Variants in TYW1 observed in about 807,000 individuals in gnomAD.
TYW1 encodes the protein S-adenosyl-L-methionine-dependent tRNA 4-demethylwyosine synthase TYW1.
A neutral mutation model predicts 96.2 loss-of-function variants in TYW1; 46 were observed. That is an observed-to-expected ratio of 0.48 (90% CI 0.38 to 0.61). The LOEUF is 0.61. TYW1 is among the 20% of genes least tolerant of loss of function. The pLI is 0.00. For missense variants in TYW1, 684 were observed against 909.6 expected (o/e 0.75, Z 3.19); for synonymous variants, 274 against 323.0 (o/e 0.85, Z 1.63).
chr7:67,087,008 C>T (rs919303155), intron 11 of TYW1, among the ~76,000 whole-genome samples: 4 of 152,080 alleles, frequency 2.6e-5, no homozygotes, highest in African/African-American at 7.2e-5. Context: ...AACTGTGTCT[C>T]GGGCAGTTTG....
chr7:67,219,429 T>A (rs899991089), intron 15 of TYW1, among the ~76,000 whole-genome samples: 5 of 152,158 alleles, frequency 3.3e-5, no homozygotes, highest in Admixed American at 6.5e-5. Context: ...TCCCTCCTCT[T>A]CAGTGTTTTG....
intron 7 of TYW1, among the ~76,000 whole-genome samples, chr7:67,047,393 A>G (rs1281896484): frequency 6.6e-6 from 1 of 152,208 alleles, no homozygotes; most frequent in African/African-American, 2.4e-5. Context: ...GATTCCTTCT[A>G]TTTTAAACTA....
chr7:67,221,243 TTTTTC>T (rs1322063693), intron 15 of TYW1, among the ~76,000 whole-genome samples: 1 of 152,254 alleles, frequency 6.6e-6, no homozygotes, highest in Non-Finnish European at 1.5e-5. Flanking sequence ...ATATGTAATA[TTTTTC>T]TTTGTTTCAT....
chr7:67,170,681 C>G lies in TYW1; in HGVS notation c.1699-12445C>G, dbSNP rs533708263. On this transcript the variant is annotated intron_variant, in intron 13 of 15. Coordinates refer to ENST00000359626, the MANE Select transcript of TYW1 (RefSeq NM_018264.4). Reference sequence around the variant, plus strand: ...TACTCCCCATACCTCGTAAACCAGTCCCTTATAACCACCAATCTGTTTTCT... The same window carrying G: ...TACTCCCCATACCTCGTAAACCAGTGCCTTATAACCACCAATCTGTTTTCT... Among the ~76,000 whole-genome samples, 10 of 152,252 alleles carry G rather than the reference C, an allele frequency of 6.6e-5. No homozygotes were observed. The South Asian group carries it at 1.9e-3, about 28-fold the overall frequency.
rs1470341549 is a variant in TYW1 at position 67,169,376 on chromosome 7, C to T, written c.1699-13750C>T. ...GTTAGTATAATGTTTTCCAAGTTAG[C>T]GCATGTTATATAGCATGAATCAGAA... On this transcript the variant is annotated intron_variant, in intron 13 of 15. Transcript: ENST00000359626. Among the ~76,000 whole-genome samples the T allele has an allele frequency of 5.3e-5, 8 of 151,766 alleles. No homozygotes were observed. In the East Asian group the frequency reaches 7.7e-4, roughly 15 times the overall value.
At chr7:67,124,141 C>CTTT (rs1797845437) in intron 13 of TYW1, among the ~76,000 whole-genome samples, 1 of 152,176 alleles carries the variant, frequency 6.6e-6, no homozygotes, top group Non-Finnish European at 1.5e-5. Flanking sequence ...CAAAGGTAAA[C>CTTT]AGTTACTATA....
intron 4 of TYW1, among the ~76,000 whole-genome samples, chr7:67,014,161 G>GGCAGGA (rs1793925455): frequency 6.6e-6 from 1 of 152,192 alleles, no homozygotes; most frequent in Non-Finnish European, 1.5e-5. Context: ...GAGGTATACT[G>GGCAGGA]GCAGGAGCAA....
chr7:67,217,609 T>C (rs1418396121), intron 15 of TYW1, among the ~76,000 whole-genome samples: 2 of 152,160 alleles, frequency 1.3e-5, no homozygotes, highest in African/African-American at 4.8e-5. Context: ...GTTCTACATG[T>C]CTGTCTTTAT....
At chr7:67,144,662 G>C (rs903949257) in intron 13 of TYW1, among the ~76,000 whole-genome samples, 4 of 152,046 alleles carry the variant, frequency 2.6e-5, no homozygotes, top group African/African-American at 9.7e-5. Flanking sequence ...ATAGAGACAG[G>C]GTTTCGCCGT....
chr7:67,129,794 G>A (rs1239677992), intron 13 of TYW1, among the ~76,000 whole-genome samples: 1 of 152,130 alleles, frequency 6.6e-6, no homozygotes, highest in Non-Finnish European at 1.5e-5. Context: ...TCCTTTTAGT[G>A]TCATGCTTAG....
chr7:67,112,262 A>T (rs563518014), intron 12 of TYW1, among the ~76,000 whole-genome samples: 1 of 152,160 alleles, frequency 6.6e-6, no homozygotes, highest in Non-Finnish European at 1.5e-5. Context: ...GTATATCTCC[A>T]GCACCCTAGA....
intron 14 of TYW1, among the ~76,000 whole-genome samples, chr7:67,192,107 G>A (rs961433568): frequency 2.6e-5 from 4 of 151,820 alleles, no homozygotes; most frequent in Non-Finnish European, 5.9e-5. Flanking sequence ...TGTCGGCAAG[G>A]CTGGTCTCGA....
intron 3 of TYW1, among the ~76,000 whole-genome samples, chr7:67,000,108 G>A (rs1793329408): frequency 6.6e-6 from 1 of 151,360 alleles, no homozygotes; most frequent in Non-Finnish European, 1.5e-5. Context: ...GCTAATTTTT[G>A]TACTTTTTGT....
At chr7:67,111,711 T>G (rs1211819588) in intron 12 of TYW1, among the ~76,000 whole-genome samples, 1 of 152,158 alleles carries the variant, frequency 6.6e-6, no homozygotes, top group Non-Finnish European at 1.5e-5. Context: ...TTTGGGAAAT[T>G]CACAAATATG....
intron 8 of TYW1, among the ~76,000 whole-genome samples, chr7:67,054,295 T>C (rs1213210971): frequency 6.6e-6 from 1 of 152,096 alleles, no homozygotes; most frequent in African/African-American, 2.4e-5. Flanking sequence ...TTTACCTAAA[T>C]GCAAAATTTA....
rs1272228010 is a variant in TYW1 at position 66,998,760 on chromosome 7, C to T, written c.136-57C>T. ...GTATCTGTGCTAATTTTCATCCCTG[C>T]TGAAGTTGGGAAACGATTTAGACTT... On this transcript the variant is annotated intron_variant, in intron 2 of 15. Transcript: ENST00000359626. 5.6e-6 allele frequency: 9 copies of T among 1,596,732 alleles called. No individual in the cohort carries two copies. The East Asian group carries it at 1.8e-4, about 32-fold the overall frequency.
chr7:67,136,628 ATG>A (rs10571057), intron 13 of TYW1, among the ~76,000 whole-genome samples: 41,587 of 127,740 alleles, frequency 0.33, 6,569 homozygotes, highest in African/African-American at 0.48. Context: ...ATATATTAGT[ATG>A]TGTGTGTGTT....
At chr7:67,163,487 G>A (rs1799225721) in intron 13 of TYW1, among the ~76,000 whole-genome samples, 2 of 152,004 alleles carry the variant, frequency 1.3e-5, no homozygotes, top group African/African-American at 4.8e-5. Flanking sequence ...AAGTTGCCGG[G>A]TGGATGTCAA....
At chr7:67,208,185 G>A (rs1197586262) in intron 15 of TYW1, among the ~76,000 whole-genome samples, 1 of 151,988 alleles carries the variant, frequency 6.6e-6, no homozygotes, top group Non-Finnish European at 1.5e-5. Flanking sequence ...CAGATGTGGT[G>A]GCGTGTGCCC....
Sources: allele counts gnomAD v4.1 joint callset (sites outside exome capture counted in the v4.1 genomes callset), GRCh38; gene constraint gnomAD v4.1.1; transcripts MANE v1.5; gene names NCBI Gene and HGNC (gene_info 2026-07-23, HGNC 2026-07-21).